The following ZMIZ1 variants were observed in gnomAD, a reference collection of about 807,000 sequenced individuals.
ZMIZ1 encodes the protein zinc finger MIZ-type containing 1, also known as zinc finger MIZ domain-containing protein 1.
ZMIZ1 carries 17 observed loss-of-function variants against 113.9 expected under a neutral mutation model. The ratio of observed to expected loss-of-function variants is 0.15; its 90% CI spans 0.10 to 0.22. The LOEUF (loss-of-function observed/expected upper bound fraction) is 0.22. Among genes scored for constraint, ZMIZ1 ranks in the 10% least tolerant of loss-of-function variants. The pLI is 1.00. For missense variants in ZMIZ1, 1,059 were observed against 1,477.8 expected (o/e 0.72, Z 4.65); for synonymous variants, 607 against 603.1 (o/e 1.01, Z -0.09).
intron 5 of ZMIZ1, among the ~76,000 whole-genome samples, chr10:79,202,189 G>GAAAAAAAAAAAAAAAAAAAAAAAA (rs58021590): frequency 3.8e-5 from 2 of 52,640 alleles, no homozygotes; most frequent in African/African-American, 6.3e-5. Flanking sequence ...CCCTGTCTCA[G>GAAAAAAAAAAAAAAAAAAAAAAAA]AAAAAAAAAA....
intron 1 of ZMIZ1, among the ~76,000 whole-genome samples, chr10:79,100,125 C>G (rs1275404724): frequency 1.3e-5 from 2 of 152,124 alleles, no homozygotes; most frequent in African/African-American, 4.8e-5. Flanking sequence ...CACTAGGGAA[C>G]AAGACTGGGC....
chr10:79,270,457 G>A (rs1851877998), intron 7 of ZMIZ1, among the ~76,000 whole-genome samples: 2 of 152,110 alleles, frequency 1.3e-5, no homozygotes, highest in Admixed American at 1.3e-4. Flanking sequence ...TATCCACTGG[G>A]TCCCATTTAT....
chr10:79,134,307 C>T (rs1402297850), intron 2 of ZMIZ1, among the ~76,000 whole-genome samples: 1 of 152,212 alleles, frequency 6.6e-6, no homozygotes, highest in Admixed American at 6.5e-5. Context: ...CCCAGAGAGG[C>T]CTAGCACTTC....
intron 2 of ZMIZ1, among the ~76,000 whole-genome samples, chr10:79,137,453 C>A (rs1845054065): frequency 6.6e-6 from 1 of 152,264 alleles, no homozygotes; most frequent in South Asian, 2.1e-4. Context: ...CTCCTACTCA[C>A]CCGGACTAGG....
At chr10:79,131,880 G>A (rs934176333) in intron 2 of ZMIZ1, among the ~76,000 whole-genome samples, 1 of 152,194 alleles carries the variant, frequency 6.6e-6, no homozygotes, top group African/African-American at 2.4e-5. Flanking sequence ...GGTGCGGTGT[G>A]ATCTTTGTCT....
At chr10:79,095,681 G>A (rs547204399) in intron 1 of ZMIZ1, among the ~76,000 whole-genome samples, 4 of 152,312 alleles carry the variant, frequency 2.6e-5, no homozygotes, top group African/African-American at 4.8e-5. Context: ...GAGGCCCCTC[G>A]GTACCTGTTC....
chr10:79,087,604 A>G (rs995681767), intron 1 of ZMIZ1, among the ~76,000 whole-genome samples: 1 of 152,136 alleles, frequency 6.6e-6, no homozygotes, highest in African/African-American at 2.4e-5. Flanking sequence ...ACCAGTGTGA[A>G]CCTGAATAAA....
chr10:79,311,304 G>GGGGGGGGGGGGGGGT, intron 24 of ZMIZ1, 120 bp downstream of exon 24: 1 of 359,152 alleles, frequency 2.8e-6, no homozygotes, highest in Non-Finnish European at 5.5e-6. Flanking sequence ...TGGGCGGTGG[G>GGGGGGGGGGGGGGGT]AGGGCTTCAC....
At chr10:79,239,391 C>T (rs957403755) in intron 7 of ZMIZ1, among the ~76,000 whole-genome samples, 4 of 152,200 alleles carry the variant, frequency 2.6e-5, no homozygotes, top group African/African-American at 9.7e-5. Context: ...CCAGGCAGCT[C>T]CCAGGGCCTG....
At chr10:79,234,288 C>G (rs114157966) in intron 7 of ZMIZ1, among the ~76,000 whole-genome samples, 1,821 of 152,236 alleles carry the variant, frequency 0.012, 43 homozygotes, top group Admixed American at 0.038. Context: ...GCAGAGGTGA[C>G]TCCCCAGCAA....
chr10:79,291,853 G>A (rs1348949522), intron 10 of ZMIZ1, among the ~76,000 whole-genome samples: 6 of 152,156 alleles, frequency 3.9e-5, no homozygotes, highest in Non-Finnish European at 5.9e-5. Flanking sequence ...CCGCAGCTCC[G>A]CCATCAATGC....
chr10:79,114,486 TGTGTGTGC>T (rs1468823893), intron 1 of ZMIZ1, among the ~76,000 whole-genome samples: 9 of 100,740 alleles, frequency 8.9e-5, no homozygotes, highest in Non-Finnish European at 1.6e-4. Context: ...TCTGTGTGTG[TGTGTGTGC>T]GTGTGTGTGT....
intron 2 of ZMIZ1, among the ~76,000 whole-genome samples, chr10:79,125,748 T>C (rs1030096043): frequency 6.6e-6 from 1 of 152,192 alleles, no homozygotes; most frequent in Admixed American, 6.5e-5. Flanking sequence ...AGCCTCTCTC[T>C]CGTGTTGGGA....
At chr10:79,266,124 A>G (rs1203548879) in intron 7 of ZMIZ1, among the ~76,000 whole-genome samples, 1 of 152,234 alleles carries the variant, frequency 6.6e-6, no homozygotes, top group Non-Finnish European at 1.5e-5. Context: ...TTCAGAGAGC[A>G]GTGCCCACCC....
chr10:79,244,461 G>A (rs753556146), intron 7 of ZMIZ1, among the ~76,000 whole-genome samples: 1 of 152,202 alleles, frequency 6.6e-6, no homozygotes, highest in Non-Finnish European at 1.5e-5. Flanking sequence ...GCCATGGTGC[G>A]GTGGGCACCA....
chr10:79,149,672 T>G (rs1304835920), intron 3 of ZMIZ1, among the ~76,000 whole-genome samples: 1 of 152,252 alleles, frequency 6.6e-6, no homozygotes, highest in Non-Finnish European at 1.5e-5. Context: ...CATGTGGGGC[T>G]GCGTGGCCCC....
chr10:79,272,789 T>C (rs1301306311), intron 7 of ZMIZ1, among the ~76,000 whole-genome samples: 1 of 152,182 alleles, frequency 6.6e-6, no homozygotes, highest in East Asian at 1.9e-4. Flanking sequence ...GGGTGGTGCG[T>C]GCTTTTACGT....
At position 79,302,115 on chromosome 10, in the gene ZMIZ1, C is replaced by G; in HGVS notation, c.2028C>G (p.Leu676=). Residue 676 remains leucine, a synonymous_variant, in exon 18 of 25, where the codon CTC becomes CTG. Transcript: ENST00000334512. ...CTCCTCTCTCCCCGCAGTCCCACCT[C>G]TTCGTGCTGCAGCTGGTACACCGGC... The part of the protein sequence containing the change: ...ITVTACCCSH[L]FVLQLVHRPS... The G allele has an allele frequency of 1.2e-6, 2 of 1,613,964 alleles. No individual in the cohort carries two copies. Among genetic ancestry groups the G allele is most frequent in the Non-Finnish European group, 1.7e-6 (2 of 1,180,012 alleles).
At chr10:79,291,941 A>G (rs749983687) in intron 10 of ZMIZ1, among the ~76,000 whole-genome samples, 6 of 152,216 alleles carry the variant, frequency 3.9e-5, no homozygotes, top group Non-Finnish European at 7.3e-5. Context: ...GGGCCCCGAC[A>G]GCATGCAGTG....
Sources: allele counts gnomAD v4.1 joint callset (sites outside exome capture counted in the v4.1 genomes callset), GRCh38; gene constraint gnomAD v4.1.1; transcripts MANE v1.5; gene names NCBI Gene and HGNC (gene_info 2026-07-23, HGNC 2026-07-21).